FANCB: variants seen among roughly 807,000 people sequenced by gnomAD.
FANCB encodes FA complementation group B.
A neutral mutation model predicts 38.9 loss-of-function variants in FANCB; 5 were observed. That is an observed-to-expected ratio of 0.13 (90% CI 0.07 to 0.27). FANCB has a LOEUF of 0.27. Among genes scored for constraint, FANCB ranks in the 10% least tolerant of loss-of-function variants. FANCB has a pLI of 1.00. For missense variants in FANCB, 573 were observed against 602.7 expected, an observed-to-expected ratio of 0.95 and a Z score of 0.52; for synonymous variants, 236 against 215.4, an observed-to-expected ratio of 1.10 and a Z score of -0.84.
chrX:14,844,463 A>G (rs193205907), intron 9 of FANCB, 40 bp downstream of exon 9: 39 of 956,100 alleles, frequency 4.1e-5, no homozygotes, highest in Non-Finnish European at 4.4e-5. Context: ...ACTCATACAC[A>G]CTCACTTCTC....
At chrX:14,698,573 G>A in the FANCB span, among the ~76,000 whole-genome samples, 3 of 103,473 alleles carry the variant, frequency 2.9e-5, no homozygotes, top group African/African-American at 1.1e-4. Flanking sequence ...AGGAACTCAT[G>A]AGGCTGAGGC....
intron 6 of FANCB, among the ~76,000 whole-genome samples, chrX:14,852,687 T>C (rs1281397945): frequency 2.7e-5 from 3 of 112,238 alleles, no homozygotes; most frequent in Non-Finnish European, 5.6e-5. Flanking sequence ...CAGTATATTC[T>C]ATTTAAGTCA....
the FANCB span, among the ~76,000 whole-genome samples, chrX:14,697,815 G>A: frequency 8.9e-6 from 1 of 112,194 alleles, no homozygotes; most frequent in Admixed American, 9.4e-5. Context: ...GAGCAGTCTT[G>A]CTGTTGAGCA....
At chrX:14,798,827 T>C in the FANCB span, among the ~76,000 whole-genome samples, 2 of 111,708 alleles carry the variant, frequency 1.8e-5, no homozygotes, top group East Asian at 5.6e-4. Context: ...AGGTATTTTG[T>C]AGATATGATT....
the FANCB span, among the ~76,000 whole-genome samples, chrX:14,742,444 G>A: frequency 8.9e-6 from 1 of 111,795 alleles, no homozygotes; most frequent in African/African-American, 3.3e-5. Context: ...TTTGCTGAGT[G>A]TCCTTGAGCA....
the FANCB span, among the ~76,000 whole-genome samples, chrX:14,773,186 A>C: frequency 8.9e-6 from 1 of 112,429 alleles, no homozygotes. Context: ...CGCATATAGA[A>C]ATTTATAAGG....
chrX:14,728,597 C>T, the FANCB span, among the ~76,000 whole-genome samples: 1 of 111,690 alleles, frequency 9.0e-6, no homozygotes, highest in Non-Finnish European at 1.9e-5. Context: ...AATTCCAAGT[C>T]ATTGCCAGGT....
chrX:14,835,230 A>T, downstream of FANCB: 1 of 509,273 alleles, frequency 2.0e-6, no homozygotes, highest in Non-Finnish European at 3.6e-6. Flanking sequence ...ATCCACCTTA[A>T]AGTGATCATC....
At chrX:14,792,933 C>T in the FANCB span, among the ~76,000 whole-genome samples, 1 of 110,903 alleles carries the variant, frequency 9.0e-6, no homozygotes, top group South Asian at 3.7e-4. Context: ...TTTTACTATC[C>T]CAGGCCAAAC....
the FANCB span, among the ~76,000 whole-genome samples, chrX:14,796,544 T>C: frequency 1.0e-5 from 1 of 98,919 alleles, no homozygotes; most frequent in Non-Finnish European, 2.0e-5. Context: ...ATATATGTTA[T>C]ATATAATAAA....
At chrX:14,867,220 T>C in intron 2 of FANCB, among the ~76,000 whole-genome samples, 1 of 111,352 alleles carries the variant, frequency 9.0e-6, no homozygotes, top group Non-Finnish European at 1.9e-5. Flanking sequence ...TTCACAGAAA[T>C]AGAAAAAACA....
the FANCB span, among the ~76,000 whole-genome samples, chrX:14,803,929 A>G: frequency 9.0e-6 from 1 of 111,676 alleles, no homozygotes; most frequent in South Asian, 3.8e-4. Context: ...CAAAACCACA[A>G]TGAGATACCA....
Position 14,865,445 on chromosome X carries a change from G to T in FANCB, c.66C>A (p.Val22=). The change falls in exon 3 of 10, where the codon GTC becomes GTA. Residue 22 remains valine (V), a synonymous_variant. Coordinates refer to ENST00000650831, the MANE Select transcript of FANCB (RefSeq NM_001018113.3). ...QERLLCYNGE[V]LVFQLSKGNF... ...TTCCTTTAGACAACTGGAAAACAAG[G>T]ACTTCCCCATTATAACACAAGAGCC... 8.3e-7 allele frequency: 1 copy of T among 1,210,094 alleles called. No individual in the cohort carries two copies. The highest frequency in any genetic ancestry group is 1.7e-5 in the African/African-American group (1 of 57,775).
chrX:14,733,966 G>T, the FANCB span, among the ~76,000 whole-genome samples: 31 of 111,955 alleles, frequency 2.8e-4, no homozygotes, highest in African/African-American at 1.0e-3. Context: ...TTTGAGAAAT[G>T]AGTATTAAGT....
the FANCB span, among the ~76,000 whole-genome samples, chrX:14,793,041 C>T: frequency 8.9e-6 from 1 of 112,075 alleles, no homozygotes; most frequent in African/African-American, 3.2e-5. Context: ...TGGGTTATGA[C>T]TTAATCAATT....
At chrX:14,806,206 G>A in the FANCB span, among the ~76,000 whole-genome samples, 3 of 111,681 alleles carry the variant, frequency 2.7e-5, no homozygotes, top group African/African-American at 6.5e-5. Flanking sequence ...AGTGAGACAA[G>A]TGTGAAAATG....
At chrX:14,689,913 C>G in the FANCB span, among the ~76,000 whole-genome samples, 1 of 112,170 alleles carries the variant, frequency 8.9e-6, no homozygotes, top group African/African-American at 3.2e-5. Context: ...TCTACTTTGT[C>G]AAATTATAAG....
At chrX:14,765,216 A>G in the FANCB span, among the ~76,000 whole-genome samples, 21 of 111,509 alleles carry the variant, frequency 1.9e-4, no homozygotes, top group Middle Eastern at 4.6e-3. Context: ...CAGTCAAATC[A>G]TCTGACCTGC....
intron 3 of FANCB, among the ~76,000 whole-genome samples, chrX:14,862,592 G>A (rs2092451549): frequency 8.9e-6 from 1 of 111,815 alleles, no homozygotes; most frequent in South Asian, 3.7e-4. Context: ...CCTTATCTAG[G>A]TGAATAGGGG....
Sources: allele counts gnomAD v4.1 joint callset (sites outside exome capture counted in the v4.1 genomes callset), GRCh38; gene constraint gnomAD v4.1.1; transcripts MANE v1.5; gene names NCBI Gene and HGNC (gene_info 2026-07-23, HGNC 2026-07-21).